Variants in CNTLN observed in about 807,000 individuals in gnomAD.
The protein encoded by CNTLN is centlein, also known as centlein, centrosomal protein.
Under a neutral mutation model 180.0 loss-of-function variants are expected in CNTLN, and 212 were observed. The observed-to-expected ratio is 1.18, with a 90% CI of 1.05 to 1.32. CNTLN has a LOEUF of 1.32. Among genes scored for constraint, CNTLN ranks in the 40% most tolerant of loss-of-function variants. CNTLN has a pLI of 0.00. For synonymous variants in CNTLN, 722 were observed against 563.1 expected, an observed-to-expected ratio of 1.28 and a Z score of -3.99; for missense variants, 2,095 against 1,610.9, an observed-to-expected ratio of 1.30 and a Z score of -5.14.
intron 2 of CNTLN, among the ~76,000 whole-genome samples, chr9:17,204,567 G>A (rs1340465485): frequency 6.6e-6 from 1 of 152,116 alleles, no homozygotes; most frequent in African/African-American, 2.4e-5. Context: ...AGGGACACCG[G>A]CCTGATGCCA....
At chr9:17,231,578 T>A (rs1019000355) in intron 3 of CNTLN, among the ~76,000 whole-genome samples, 1 of 152,148 alleles carries the variant, frequency 6.6e-6, no homozygotes, top group East Asian at 1.9e-4. Context: ...ATATTTCATT[T>A]TTTCCTTACC....
At chr9:17,343,975 C>T (rs1422573901) in intron 12 of CNTLN, among the ~76,000 whole-genome samples, 3 of 152,106 alleles carry the variant, frequency 2.0e-5, no homozygotes, top group African/African-American at 4.8e-5. Context: ...CTTAGCATAA[C>T]GTTTTCAAGG....
chr9:17,431,829 A>C (rs1829434687), intron 18 of CNTLN, among the ~76,000 whole-genome samples: 1 of 152,222 alleles, frequency 6.6e-6, no homozygotes, highest in Non-Finnish European at 1.5e-5. Context: ...CACCAGAAGG[A>C]AGCAACACAT....
rs574712927 is a variant in CNTLN at position 17,278,953 on chromosome 9, A to G, written c.983+5087A>G. ...TAATAATTTTAGGTTTTTTTTTCAT[A>G]TAATGAAACAATAAGGCTCTCTGAT... On this transcript the variant is annotated intron_variant, in intron 6 of 25. Transcript: ENST00000380647. 3.3e-5 allele frequency among the ~76,000 whole-genome samples: 5 copies of G among 152,020 alleles called. No homozygotes were observed. In the South Asian group the frequency reaches 1.0e-3, roughly 32 times the overall value.
At chr9:17,295,643 C>T (rs990133533) in intron 6 of CNTLN, among the ~76,000 whole-genome samples, 2 of 152,142 alleles carry the variant, frequency 1.3e-5, no homozygotes, top group Non-Finnish European at 2.9e-5. Flanking sequence ...TTGGCCCGCC[C>T]TGTTTTTCTT....
intron 18 of CNTLN, among the ~76,000 whole-genome samples, chr9:17,438,472 A>G (rs889123754): frequency 2.0e-5 from 3 of 152,168 alleles, no homozygotes; most frequent in African/African-American, 7.2e-5. Flanking sequence ...TAGAAAGTTG[A>G]TGATAGAAGA....
the CNTLN span, among the ~76,000 whole-genome samples, chr9:17,523,747 C>G: frequency 6.6e-6 from 1 of 152,118 alleles, no homozygotes; most frequent in Non-Finnish European, 1.5e-5. Context: ...AGAACTTTTA[C>G]ACTAATATCT....
intron 18 of CNTLN, among the ~76,000 whole-genome samples, chr9:17,439,209 C>CT (rs1206051549): frequency 6.6e-6 from 1 of 152,024 alleles, no homozygotes; most frequent in Non-Finnish European, 1.5e-5. Flanking sequence ...AATATCAGTA[C>CT]TTTTAAGTAA....
At chr9:17,439,687 C>G (rs1829993478) in intron 18 of CNTLN, among the ~76,000 whole-genome samples, 1 of 152,082 alleles carries the variant, frequency 6.6e-6, no homozygotes, top group African/African-American at 2.4e-5. Context: ...ATATGTGTTC[C>G]CCCATAATTC....
At chr9:17,417,170 T>G (rs1372835362) in intron 18 of CNTLN, among the ~76,000 whole-genome samples, 2 of 152,168 alleles carry the variant, frequency 1.3e-5, no homozygotes, top group African/African-American at 4.8e-5. Context: ...AAGACTGAGC[T>G]CTATGTTAGA....
chr9:17,336,599 T>C (rs1010044775), intron 10 of CNTLN, among the ~76,000 whole-genome samples: 1 of 152,190 alleles, frequency 6.6e-6, no homozygotes, highest in Non-Finnish European at 1.5e-5. Flanking sequence ...AATTTTATTT[T>C]TAATAGTTTA....
At chr9:17,267,561 G>A (rs1457495223) in intron 5 of CNTLN, among the ~76,000 whole-genome samples, 2 of 151,638 alleles carry the variant, frequency 1.3e-5, no homozygotes. Context: ...CGTTCTCTGT[G>A]TTTCCTGAAT....
At chr9:17,385,731 T>C (rs879173691) in intron 13 of CNTLN, among the ~76,000 whole-genome samples, 1 of 152,210 alleles carries the variant, frequency 6.6e-6, no homozygotes, top group African/African-American at 2.4e-5. Context: ...AACAATGTAG[T>C]ATAACAATAT....
At chr9:17,142,285 G>T (rs1220420089) in intron 1 of CNTLN, among the ~76,000 whole-genome samples, 2 of 151,996 alleles carry the variant, frequency 1.3e-5, no homozygotes, top group African/African-American at 4.8e-5. Flanking sequence ...TATTGTTAGT[G>T]TTAGTGTATT....
intron 15 of CNTLN, among the ~76,000 whole-genome samples, chr9:17,403,121 A>T (rs987553891): frequency 6.6e-6 from 1 of 151,682 alleles, no homozygotes; most frequent in Non-Finnish European, 1.5e-5. Flanking sequence ...TTGGTGGAAG[A>T]TTGGTGGCAG....
chr9:17,187,056 C>T (rs1278674947), intron 2 of CNTLN, among the ~76,000 whole-genome samples: 2 of 152,024 alleles, frequency 1.3e-5, no homozygotes, highest in East Asian at 3.9e-4. Flanking sequence ...AACATGATTT[C>T]TGACCCCTGA....
chr9:17,324,915 T>A (rs1378476617), intron 8 of CNTLN, among the ~76,000 whole-genome samples: 1 of 152,040 alleles, frequency 6.6e-6, no homozygotes, highest in Non-Finnish European at 1.5e-5. Flanking sequence ...TCAAATGTAG[T>A]CAATAATTTA....
chr9:17,493,897 T>C (rs1264004141), intron 25 of CNTLN, among the ~76,000 whole-genome samples: 1 of 152,190 alleles, frequency 6.6e-6, no homozygotes, highest in African/African-American at 2.4e-5. Context: ...AAACTTACAA[T>C]GGCTTATAGT....
At chr9:17,313,715 G>C (rs1186951288) in intron 8 of CNTLN, among the ~76,000 whole-genome samples, 2 of 152,102 alleles carry the variant, frequency 1.3e-5, no homozygotes, top group Admixed American at 1.3e-4. Flanking sequence ...TTTGTTTCCT[G>C]TTCTTTCTTT....
Sources: gnomAD v4.1 joint callset for allele counts (sites outside exome capture counted in the v4.1 genomes callset) on GRCh38, gnomAD v4.1.1 for gene constraint, MANE v1.5 for transcripts, NCBI Gene and HGNC (gene_info 2026-07-23, HGNC 2026-07-21) for gene names.